TMEM54: variants seen among roughly 807,000 people sequenced by gnomAD.
TMEM54 encodes beta-casein-like protein.
TMEM54 carries 21 observed loss-of-function variants against 21.3 expected under a neutral mutation model. The observed-to-expected ratio is 0.99, with a 90% CI of 0.70 to 1.42. The LOEUF (loss-of-function observed/expected upper bound fraction) is 1.42, where lower values mean the gene tolerates loss of function less well. Among genes scored for constraint, TMEM54 ranks in the 40% most tolerant of loss-of-function variants. The probability of loss-of-function intolerance (pLI) is 0.00; values close to 1 mark genes in which losing one functional copy is unlikely to be tolerated. For synonymous variants in TMEM54, 109 were observed against 125.0 expected (o/e 0.87, Z 0.86); for missense variants, 246 against 294.0 (o/e 0.84, Z 1.19).
chr1:32,898,626 G>A (rs60059989), intron 1 of TMEM54, among the ~76,000 whole-genome samples: 11 of 152,108 alleles, frequency 7.2e-5, no homozygotes, highest in Non-Finnish European at 1.5e-4. Flanking sequence ...TCTAGACTTC[G>A]AGATCCTCCC....
intron 1 of TMEM54, among the ~76,000 whole-genome samples, chr1:32,900,941 C>G (rs965876084): frequency 3.9e-5 from 6 of 152,222 alleles, no homozygotes; most frequent in Admixed American, 1.3e-4. Flanking sequence ...ACCCGGGGGT[C>G]CCCGAGGGCA....
At chr1:32,900,457 G>T (rs377633873) in intron 1 of TMEM54, among the ~76,000 whole-genome samples, 13 of 152,208 alleles carry the variant, frequency 8.5e-5, no homozygotes, top group African/African-American at 2.9e-4. Flanking sequence ...CTGGACTCAA[G>T]CGATCCGCCT....
At position 32,896,043 on chromosome 1, in the gene TMEM54, G is replaced by C. The variant is rs1378882247; in HGVS notation, c.211-74C>G. Reference sequence around the variant, plus strand: ...GGGCAGGGGGATCAGGGCCACTCTGGGATAATGATCTCACCGGCGCCAACC... The same window carrying C: ...GGGCAGGGGGATCAGGGCCACTCTGCGATAATGATCTCACCGGCGCCAACC... On this transcript the variant is annotated intron_variant, in intron 2 of 5. Coordinates refer to ENST00000373463, the MANE Select transcript of TMEM54 (RefSeq NM_033504.4). This position sits in a 1 kb window ranked among gnomAD's most constrained non-coding sequence, Gnocchi z 4.1. 7 of 1,523,472 alleles carry C rather than the reference G, an allele frequency of 4.6e-6. No homozygotes were observed. The highest frequency in any genetic ancestry group is 6.2e-6 in the Non-Finnish European group (7 of 1,121,220). The allele number at this position is 1,523,472 out of a possible 1,614,324, so 94.4% of individuals were successfully genotyped here. A position where few individuals can be genotyped will look rare whatever the true frequency, so the allele number is the denominator to read the frequency against.
Position 32,895,945 on chromosome 1 carries a change from T to C in TMEM54, c.235A>G (p.Ile79Val). The C allele has an allele frequency of 6.2e-7, 1 of 1,613,444 alleles. No individual in the cohort carries two copies. Among genetic ancestry groups the C allele is most frequent in the Non-Finnish European group, 8.5e-7 (1 of 1,179,736 alleles). ...IVVITSGIAA[I>V]VLSRYLPSTP... ...CTAGGGAGGTAGCGTGACAACACGA[T>C]GGCTGCGATGCCTGAAGTGATGACC... The change falls in exon 3 of 6, where the codon ATC becomes GTC. Residue 79 changes from isoleucine (I) to valine (V), a missense_variant. Coordinates refer to ENST00000373463, the MANE Select transcript of TMEM54 (RefSeq NM_033504.4). This position sits in a 1 kb window ranked among gnomAD's most constrained non-coding sequence, Gnocchi z 5.8.
At chr1:32,899,078 T>C (rs995158660) in intron 1 of TMEM54, among the ~76,000 whole-genome samples, 3 of 152,120 alleles carry the variant, frequency 2.0e-5, no homozygotes, top group African/African-American at 7.2e-5. Flanking sequence ...ACACTGGGAC[T>C]CATTCAGATG....
intron 1 of TMEM54, among the ~76,000 whole-genome samples, chr1:32,900,930 C>A (rs1641711217): frequency 6.6e-6 from 1 of 152,200 alleles, no homozygotes; most frequent in South Asian, 2.1e-4. Flanking sequence ...CTCTGCCGCC[C>A]ACCCGGGGGT....
At chr1:32,900,609 C>T (rs1487262587) in intron 1 of TMEM54, among the ~76,000 whole-genome samples, 1 of 152,112 alleles carries the variant, frequency 6.6e-6, no homozygotes, top group Non-Finnish European at 1.5e-5. Context: ...TCATAGTAGT[C>T]CTAGGAGGTG....
In TMEM54 at chr1:32,897,916, C is replaced by T; in HGVS notation, c.210+210G>A. 2 of 527,810 alleles carry T rather than the reference C, an allele frequency of 3.8e-6. No homozygotes were observed. Among genetic ancestry groups the T allele is most frequent in the South Asian group, 6.1e-5 (2 of 33,044 alleles). 32.7% of individuals were successfully genotyped at this position (527,810 alleles called of 1,614,324 possible). On this transcript the variant is annotated intron_variant, in intron 2 of 5. Coordinates refer to ENST00000373463, the MANE Select transcript of TMEM54 (RefSeq NM_033504.4). The surrounding 1 kb of genome is among the most constrained non-coding windows in gnomAD (Gnocchi z 4.9). ...TTTGTGTGGATGATCTCATCAGTACCCATTAGGACCCTCAGAGGTAAACAC... is the reference window on the plus strand; with the variant it reads ...TTTGTGTGGATGATCTCATCAGTACTCATTAGGACCCTCAGAGGTAAACAC...
In TMEM54 at chr1:32,901,189, G is replaced by A. The variant is rs751149596; in HGVS notation, c.16+34C>T. On this transcript the variant is annotated intron_variant, in intron 1 of 5. Transcript: ENST00000373463. This position sits in a 1 kb window ranked among gnomAD's most constrained non-coding sequence, Gnocchi z 4.2. ...CCGCTCCTGTGGGAGGGTTGGGGTG[G>A]TTCGGGGCCTCCCGCGCGCCCCCAG... is the stretch of plus-strand genomic sequence containing the variant. 8 of 1,483,322 alleles carry A rather than the reference G, an allele frequency of 5.4e-6. No individual in the cohort carries two copies. In the African/African-American group the frequency reaches 9.9e-5, roughly 18 times the overall value. The allele number at this position is 1,483,322 out of a possible 1,614,324, so 91.9% of individuals were successfully genotyped here. A position where few individuals can be genotyped will look rare whatever the true frequency, so the allele number is the denominator to read the frequency against.
In TMEM54 at chr1:32,897,476, A is replaced by G. The variant is rs1339621568; in HGVS notation, c.210+650T>C. Among the ~76,000 whole-genome samples the G allele has an allele frequency of 1.3e-5, 2 of 152,186 alleles. No individual in the cohort carries two copies. The highest frequency in any genetic ancestry group is 2.9e-5 in the Non-Finnish European group (2 of 68,042). On this transcript the variant is annotated intron_variant, in intron 2 of 5. Coordinates refer to ENST00000373463, the MANE Select transcript of TMEM54 (RefSeq NM_033504.4). The surrounding 1 kb of genome is among the most constrained non-coding windows in gnomAD (Gnocchi z 4.9). ...AAACAGGTACTGATATCTGGTCACA[A>G]CCGTGGCTACCATTCATTGAGCAGT...
At position 32,895,009 on chromosome 1, in the gene TMEM54, T is replaced by C; in HGVS notation, c.595-130A>G. 6.8e-7 allele frequency: 1 copy of C among 1,472,360 alleles called. No individual in the cohort carries two copies. The highest frequency in any genetic ancestry group is 1.4e-5 in the South Asian group (1 of 73,758). The allele number at this position is 1,472,360 out of a possible 1,614,324, so 91.2% of individuals were successfully genotyped here. ...GGGGCAAAGGGGCATCACTACCCAC[T>C]CCACTGCAAGAGCCAGGCCTGACCT... On this transcript the variant is annotated intron_variant, in intron 5 of 5. Transcript: ENST00000373463. The surrounding 1 kb of genome is among the most constrained non-coding windows in gnomAD (Gnocchi z 5.8).
In TMEM54 at chr1:32,895,931, G is replaced by A; in HGVS notation, c.249C>T (p.Arg83=). The A allele has an allele frequency of 6.2e-7, 1 of 1,613,412 alleles. No homozygotes were observed. The highest frequency in any genetic ancestry group is 1.7e-5 in the Admixed American group (1 of 59,912). The change falls in exon 3 of 6, where the codon CGC becomes CGT. Residue 83 remains arginine (R), a synonymous_variant. Transcript: ENST00000373463. The surrounding 1 kb of genome is among the most constrained non-coding windows in gnomAD (Gnocchi z 5.8). The stretch of plus-strand genomic sequence containing the variant: ...GTACCAGGGGGGTGCTAGGGAGGTA[G>A]CGTGACAACACGATGGCTGCGATGC... The part of the protein sequence containing the change: ...TSGIAAIVLS[R]YLPSTPLRWT...
In TMEM54 at chr1:32,901,013, G is replaced by T. The variant is rs1020199587; in HGVS notation, c.16+210C>A. On this transcript the variant is annotated intron_variant, in intron 1 of 5. Transcript: ENST00000373463. This position sits in a 1 kb window ranked among gnomAD's most constrained non-coding sequence, Gnocchi z 4.2. ...GGGTAAGAGACGCTACAGCCACATC[G>T]AGAAGACACCCGCAGCGCTCCTCCC... Among the ~76,000 whole-genome samples, 1 of 152,200 alleles carries T rather than the reference G, an allele frequency of 6.6e-6. No individual in the cohort carries two copies. The highest frequency in any genetic ancestry group is 1.5e-5 in the Non-Finnish European group (1 of 68,032).
Position 32,901,097 on chromosome 1 carries a change from T to TCGG in TMEM54, c.16+125_16+126insCCG. ...AGAGGAAAGTGACCCGACCCCGGCC[T>TCGG]CGTAGTAAGTTAGAGGCAGAGCAGG... On this transcript the variant is annotated intron_variant, in intron 1 of 5. Coordinates refer to ENST00000373463, the MANE Select transcript of TMEM54 (RefSeq NM_033504.4). This position sits in a 1 kb window ranked among gnomAD's most constrained non-coding sequence, Gnocchi z 4.2. 1 of 1,064,018 alleles carries TCGG rather than the reference T, an allele frequency of 9.4e-7. No homozygotes were observed. The highest frequency in any genetic ancestry group is 1.6e-5 in the African/African-American group (1 of 60,896). 65.9% of individuals were successfully genotyped at this position (1,064,018 alleles called of 1,614,324 possible). A position where few individuals can be genotyped will look rare whatever the true frequency, so the allele number is the denominator to read the frequency against.
chr1:32,895,946 G>A lies in TMEM54; in HGVS notation c.234C>T (p.Ala78=). The change falls in exon 3 of 6, where the codon GCC becomes GCT. Residue 78 remains alanine, a synonymous_variant. Transcript: ENST00000373463. The surrounding 1 kb of genome is among the most constrained non-coding windows in gnomAD (Gnocchi z 5.8). ...AIVVITSGIA[A]IVLSRYLPST... is the part of the protein sequence containing the mutation. ...TAGGGAGGTAGCGTGACAACACGAT[G>A]GCTGCGATGCCTGAAGTGATGACCT... 6.2e-7 allele frequency: 1 copy of A among 1,613,478 alleles called. No individual in the cohort carries two copies. Among genetic ancestry groups the A allele is most frequent in the Non-Finnish European group, 8.5e-7 (1 of 1,179,740 alleles).
rs377201256 is a variant in TMEM54 at position 32,898,277 on chromosome 1, G to A, written c.59C>T (p.Thr20Ile). 29 of 1,611,120 alleles carry A rather than the reference G, an allele frequency of 1.8e-5. No individual in the cohort carries two copies. In the African/African-American group the frequency reaches 3.3e-4, roughly 19 times the overall value. ...VGDFRKVLMK[T>I]GLVLVVLGHV... Reference sequence around the variant, plus strand: ...GCCCAGCACCACCAGCACCAGGCCTGTCTTCATCAGCACCTTCCGGAAGTC... The same window carrying A: ...GCCCAGCACCACCAGCACCAGGCCTATCTTCATCAGCACCTTCCGGAAGTC... The change falls in exon 2 of 6, where the codon ACA becomes ATA. Residue 20 changes from threonine to isoleucine, a missense_variant. Transcript: ENST00000373463.
Position 32,895,065 on chromosome 1 carries a change from C to T in TMEM54, c.595-186G>A. The stretch of plus-strand genomic sequence containing the variant: ...ATGCCCTCAGTGCGAGCCCAGACAC[C>T]CCTGCCCCTCCCTCAAGACTCATCC... On this transcript the variant is annotated intron_variant, in intron 5 of 5. Coordinates refer to ENST00000373463, the MANE Select transcript of TMEM54 (RefSeq NM_033504.4). The surrounding 1 kb of genome is among the most constrained non-coding windows in gnomAD (Gnocchi z 5.8). 1 of 856,186 alleles carries T rather than the reference C, an allele frequency of 1.2e-6. No individual in the cohort carries two copies. 53.0% of individuals were successfully genotyped at this position (856,186 alleles called of 1,614,324 possible).
Position 32,895,693 on chromosome 1 carries a change from G to A in TMEM54, c.321C>T (p.Thr107=). The A allele has an allele frequency of 6.4e-7, 1 of 1,560,886 alleles. No individual in the cohort carries two copies. The highest frequency in any genetic ancestry group is 8.7e-7 in the Non-Finnish European group (1 of 1,152,206). ...SSVACALLSL[T]CALGLLASIA... is the part of the protein sequence containing the mutation. ...TGGAGGCCAAGAGGCCGAGGGCACA[G>A]GTCAGAGAAAGGAGAGCACAGGCCA... The change falls in exon 4 of 6, where the codon ACC becomes ACT. Residue 107 remains threonine, a synonymous_variant. Transcript: ENST00000373463. This position sits in a 1 kb window ranked among gnomAD's most constrained non-coding sequence, Gnocchi z 5.8.
chr1:32,897,537 A>C lies in TMEM54; in HGVS notation c.210+589T>G, dbSNP rs1256231751. 1.3e-5 allele frequency among the ~76,000 whole-genome samples: 2 copies of C among 152,176 alleles called. No individual in the cohort carries two copies. Among genetic ancestry groups the C allele is most frequent in the Admixed American group, 6.6e-5 (1 of 15,266 alleles). On this transcript the variant is annotated intron_variant, in intron 2 of 5. Transcript: ENST00000373463. The surrounding 1 kb of genome is among the most constrained non-coding windows in gnomAD (Gnocchi z 4.9). Reference sequence around the variant, plus strand: ...CGGGCCTAATGCTAAGCTCCTGCCAAATTGGTTTTCTCAGAATCTCCAGAA... The same window carrying C: ...CGGGCCTAATGCTAAGCTCCTGCCACATTGGTTTTCTCAGAATCTCCAGAA...
Sources: gnomAD v4.1 joint callset for allele counts (sites outside exome capture counted in the v4.1 genomes callset) on GRCh38, gnomAD v4.1.1 for gene constraint, Gnocchi (gnomAD v3.1) non-coding constraint, MANE v1.5 for transcripts, NCBI Gene and HGNC (gene_info 2026-07-23, HGNC 2026-07-21) for gene names.